Variants in ROPN1 observed in about 807,000 individuals in gnomAD.
The protein encoded by ROPN1 is ropporin-1A.
Under a neutral mutation model 20.5 loss-of-function variants are expected in ROPN1, and 14 were observed. The observed-to-expected ratio is 0.68, with a 90% CI of 0.45 to 1.07. ROPN1 has a LOEUF of 1.07. Among genes scored for constraint, ROPN1 ranks in the 50% least tolerant of loss-of-function variants. ROPN1 has a pLI of 0.00. For synonymous variants in ROPN1, 76 were observed against 95.7 expected (o/e 0.79, Z 1.20); for missense variants, 169 against 242.8 (o/e 0.70, Z 2.02).
intron 1 of ROPN1, among the ~76,000 whole-genome samples, chr3:123,988,499 T>C (rs993047017): frequency 1.3e-5 from 2 of 152,144 alleles, no homozygotes; most frequent in African/African-American, 4.8e-5. Flanking sequence ...AATATAAGAT[T>C]AGGGCTATGT....
chr3:123,986,483 G>A (rs553889324), intron 1 of ROPN1, among the ~76,000 whole-genome samples: 2 of 152,078 alleles, frequency 1.3e-5, no homozygotes, highest in African/African-American at 2.4e-5. Flanking sequence ...GGTGCTGGCC[G>A]GTGCAAGTCC....
rs78816399 is a variant in ROPN1, at chr3:123,985,223, G to A, written c.-12-4730C>T. Among the ~76,000 whole-genome samples the A allele has an allele frequency of 6.2e-4, 95 of 152,294 alleles. 1 individual carries two copies. In the South Asian group the frequency reaches 9.5e-3, roughly 15 times the overall value. ...ATTGTTTCTGTGCCGAAGGTTTTAT[G>A]TATAACACCTGCTGCCAGAGACGCC... On this transcript the variant is annotated intron_variant, in intron 1 of 5. Transcript: ENST00000405845.
intron 2 of ROPN1, 49 bp downstream of exon 2, chr3:123,980,317 C>T: frequency 6.3e-7 from 1 of 1,592,894 alleles, no homozygotes; most frequent in South Asian, 1.1e-5. Flanking sequence ...ACAGGACCCT[C>T]TGTCTCCGGC....
intron 1 of ROPN1, among the ~76,000 whole-genome samples, chr3:123,986,816 G>A (rs1025374174): frequency 4.6e-5 from 7 of 152,238 alleles, no homozygotes; most frequent in African/African-American, 1.7e-4. Flanking sequence ...AGCCATAGGG[G>A]CCACCTTGCT....
chr3:123,979,197 T>G (rs2038084842), intron 2 of ROPN1: 1 of 258,048 alleles, frequency 3.9e-6, no homozygotes, highest in Admixed American at 5.1e-5. Flanking sequence ...TTGTAAAAGC[T>G]ACATCCTAAT....
chr3:123,974,223 GA>G (rs896186764), intron 4 of ROPN1, among the ~76,000 whole-genome samples: 1 of 152,060 alleles, frequency 6.6e-6, no homozygotes, highest in African/African-American at 2.4e-5. Flanking sequence ...AATGTGGTGT[GA>G]AAAAAATCTG....
intron 1 of ROPN1, among the ~76,000 whole-genome samples, chr3:123,982,100 A>G (rs1021899137): frequency 6.6e-6 from 1 of 152,258 alleles, no homozygotes; most frequent in African/African-American, 2.4e-5. Context: ...AGAAAGACTC[A>G]AGGTGAAAAG....
chr3:123,974,565 T>A (rs570700864), intron 4 of ROPN1: 25 of 152,370 alleles, frequency 1.6e-4, no homozygotes, highest in Middle Eastern at 3.4e-3. Context: ...CAAGATTATG[T>A]TTAGATATGC....
In ROPN1 at chr3:123,969,099, C is replaced by T. The variant is rs1440167932; in HGVS notation, c.*56G>A. On this transcript the variant is annotated 3_prime_UTR_variant, in exon 6 of 6. Coordinates refer to ENST00000405845, the MANE Select transcript of ROPN1 (RefSeq NM_001317774.2). ...TTTTGGGTGGTATATGGGTTTCAGT[C>T]ATTCTGAAGTACAATCATCTCTGTA... The T allele has an allele frequency of 6.9e-7, 1 of 1,441,886 alleles. No individual in the cohort carries two copies. Among genetic ancestry groups the T allele is most frequent in the Non-Finnish European group, 9.8e-7 (1 of 1,023,834 alleles). 89.3% of individuals were successfully genotyped at this position (1,441,886 alleles called of 1,614,324 possible).
rs182382994 is a variant in ROPN1, at chr3:123,977,505, A to T, written c.117-524T>A. On this transcript the variant is annotated intron_variant, in intron 2 of 5. Coordinates refer to ENST00000405845, the MANE Select transcript of ROPN1 (RefSeq NM_001317774.2). ...CAGTGAACTATAATTGTGCCACTAC[A>T]CTCCAGACTGGGTGACAGAGTGAGA... 1.1e-4 allele frequency among the ~76,000 whole-genome samples: 16 copies of T among 152,174 alleles called. No homozygotes were observed. In the East Asian group the frequency reaches 3.1e-3, roughly 29 times the overall value.
At chr3:123,978,918 A>G (rs11922851) in intron 2 of ROPN1, 8,802 of 155,992 alleles carry the variant, frequency 0.056, 344 homozygotes, top group Non-Finnish European at 0.082. Context: ...TGCCTCTTCC[A>G]TAAATGTCAG....
chr3:123,988,330 G>T (rs1203383701), intron 1 of ROPN1, among the ~76,000 whole-genome samples: 1 of 152,080 alleles, frequency 6.6e-6, no homozygotes, highest in East Asian at 1.9e-4. Flanking sequence ...ATTTTTAGTA[G>T]AGACGGGTTT....
chr3:123,988,276 G>T (rs1389090824), intron 1 of ROPN1, among the ~76,000 whole-genome samples: 2 of 152,032 alleles, frequency 1.3e-5, no homozygotes, highest in Non-Finnish European at 2.9e-5. Context: ...CTCCTGAATA[G>T]CTGGGACTAC....
chr3:123,982,990 C>G (rs147521418), intron 1 of ROPN1, among the ~76,000 whole-genome samples: 180 of 152,286 alleles, frequency 1.2e-3, no homozygotes, highest in African/African-American at 3.4e-3. Flanking sequence ...GTTTATTTCG[C>G]TTAGCACAAT....
intron 1 of ROPN1, among the ~76,000 whole-genome samples, chr3:123,990,594 T>C (rs1452242132): frequency 6.6e-6 from 1 of 152,242 alleles, no homozygotes; most frequent in Non-Finnish European, 1.5e-5. Context: ...TTTGTTCACA[T>C]CAAAGAAGTG....
chr3:123,984,788 G>A (rs965458249), intron 1 of ROPN1, among the ~76,000 whole-genome samples: 5 of 150,252 alleles, frequency 3.3e-5, no homozygotes, highest in South Asian at 2.1e-4. Context: ...ACACTGTCTC[G>A]CCCACTGTTA....
intron 1 of ROPN1, among the ~76,000 whole-genome samples, chr3:123,984,106 A>G (rs1248404499): frequency 6.6e-6 from 1 of 152,080 alleles, no homozygotes; most frequent in Non-Finnish European, 1.5e-5. Flanking sequence ...TCTGAGGAAG[A>G]GTTAGCAATC....
chr3:123,980,046 G>C (rs528253362), intron 2 of ROPN1: 2 of 503,178 alleles, frequency 4.0e-6, no homozygotes, highest in Non-Finnish European at 7.0e-6. Flanking sequence ...AGTGGGAAAA[G>C]GCGTGCAGGG....
chr3:123,979,965 T>C (rs2038102948), intron 2 of ROPN1: 1 of 395,058 alleles, frequency 2.5e-6, no homozygotes, highest in African/African-American at 2.0e-5. Flanking sequence ...TGCTGCCATC[T>C]AGTGGTGAGA....
Sources: allele counts gnomAD v4.1 joint callset (sites outside exome capture counted in the v4.1 genomes callset), GRCh38; gene constraint gnomAD v4.1.1; transcripts MANE v1.5; gene names NCBI Gene and HGNC (gene_info 2026-07-23, HGNC 2026-07-21).